The following CPXM2 variants were observed in gnomAD, a reference collection of about 807,000 sequenced individuals.
CPXM2 encodes the protein carboxypeptidase X, M14 family member 2.
A neutral mutation model predicts 86.1 loss-of-function variants in CPXM2; 66 were observed. The ratio of observed to expected loss-of-function variants is 0.77; its 90% CI spans 0.63 to 0.94. The LOEUF is 0.94. Ranked by LOEUF, CPXM2 falls within the 40% of genes least tolerant of loss-of-function variation. The pLI is 0.00. For synonymous variants in CPXM2, 388 were observed against 400.2 expected (o/e 0.97, Z 0.36); for missense variants, 948 against 1,026.3 (o/e 0.92, Z 1.04).
At chr10:123,862,287 C>T (rs568629511) in intron 3 of CPXM2, among the ~76,000 whole-genome samples, 4 of 152,338 alleles carry the variant, frequency 2.6e-5, no homozygotes, top group South Asian at 2.1e-4. Flanking sequence ...GGCTCTGCCC[C>T]GCCATGCCCC....
chr10:123,802,482 T>C (rs748584680), intron 4 of CPXM2, among the ~76,000 whole-genome samples: 3 of 152,252 alleles, frequency 2.0e-5, no homozygotes, highest in Non-Finnish European at 2.9e-5. Flanking sequence ...AATTATGCTT[T>C]ATTCATTCTC....
chr10:123,932,024 T>A (rs997275026), intron 2 of CPXM2, among the ~76,000 whole-genome samples: 3 of 152,168 alleles, frequency 2.0e-5, no homozygotes, highest in African/African-American at 7.2e-5. Context: ...TGGTTTTTTT[T>A]AAACAGGGTG....
intron 7 of CPXM2, 99 bp from the exon 8 acceptor site, chr10:123,771,138 G>A: frequency 8.9e-7 from 1 of 1,118,168 alleles, no homozygotes; most frequent in East Asian, 2.4e-5. Flanking sequence ...TTCCTCCACA[G>A]CCTCCCAAGC....
chr10:123,792,468 C>T (rs57257317), intron 6 of CPXM2, among the ~76,000 whole-genome samples: 7,406 of 152,258 alleles, frequency 0.049, 217 homozygotes, highest in South Asian at 0.092. Flanking sequence ...GGAAGAAGGT[C>T]TCTATCAGAA....
upstream of CPXM2, among the ~76,000 whole-genome samples, chr10:123,894,691 C>T (rs1371881024): frequency 6.6e-6 from 1 of 152,224 alleles, no homozygotes; most frequent in Non-Finnish European, 1.5e-5. Context: ...TTCAGCTTCT[C>T]AGATGAAGAC....
At chr10:123,766,665 T>C (rs1225253336) in intron 10 of CPXM2, among the ~76,000 whole-genome samples, 3 of 152,194 alleles carry the variant, frequency 2.0e-5, no homozygotes, top group African/African-American at 4.8e-5. Flanking sequence ...TTCTTAGTAA[T>C]ATAACCGACA....
chr10:123,870,670 C>T (rs559530372), intron 2 of CPXM2, among the ~76,000 whole-genome samples: 1 of 152,296 alleles, frequency 6.6e-6, no homozygotes, highest in East Asian at 1.9e-4. Flanking sequence ...CAATCTCAGC[C>T]TTACCTAGTC....
At chr10:123,845,051 A>G (rs1848469900) in intron 3 of CPXM2, among the ~76,000 whole-genome samples, 1 of 149,984 alleles carries the variant, frequency 6.7e-6, no homozygotes, top group East Asian at 1.9e-4. Flanking sequence ...TGGGTGACAG[A>G]GCAAGACTCA....
intron 3 of CPXM2, among the ~76,000 whole-genome samples, chr10:123,853,646 T>C (rs902196822): frequency 6.6e-6 from 1 of 152,220 alleles, no homozygotes; most frequent in Non-Finnish European, 1.5e-5. Flanking sequence ...GGCTCATGCC[T>C]GTAATCCCAA....
rs1445095861 is a variant in CPXM2, at chr10:123,885,942, G to A, written c.304+5414C>T. ...AGCATGCAGTCCAGCTTTCGCAAAC[G>A]TGGGTGTGTCCTCCTTTATTATCCA... On this transcript the variant is annotated intron_variant, in intron 1 of 13. Coordinates refer to ENST00000241305, the MANE Select transcript of CPXM2 (RefSeq NM_198148.3). The surrounding 1 kb of genome is among the most constrained non-coding windows in gnomAD (Gnocchi z 4.0). Among the ~76,000 whole-genome samples, 1 of 152,224 alleles carries A rather than the reference G, an allele frequency of 6.6e-6. No individual in the cohort carries two copies. Among genetic ancestry groups the A allele is most frequent in the African/African-American group, 2.4e-5 (1 of 41,462 alleles).
chr10:123,843,197 C>T, intron 3 of CPXM2: 1 of 421,176 alleles, frequency 2.4e-6, no homozygotes, highest in Non-Finnish European at 4.7e-6. Context: ...AATGACCCTC[C>T]CTCCTCGGCC....
Position 123,891,225 on chromosome 10 carries a change from C to G in CPXM2, c.304+131G>C. 1 of 752,066 alleles carries G rather than the reference C, an allele frequency of 1.3e-6. No individual in the cohort carries two copies. Among genetic ancestry groups the G allele is most frequent in the East Asian group, 3.0e-5 (1 of 32,846 alleles). 46.6% of individuals were successfully genotyped at this position (752,066 alleles called of 1,614,324 possible). ...AGCGCAGATACAGTCCCTAGGGAGG[C>G]AGAGGCGGCAACAGGGAGATTCCCG... On this transcript the variant is annotated intron_variant, in intron 1 of 13. Coordinates refer to ENST00000241305, the MANE Select transcript of CPXM2 (RefSeq NM_198148.3). This position sits in a 1 kb window ranked among gnomAD's most constrained non-coding sequence, Gnocchi z 5.6.
At chr10:123,841,246 G>A (rs966614105) in intron 4 of CPXM2, among the ~76,000 whole-genome samples, 1 of 152,138 alleles carries the variant, frequency 6.6e-6, no homozygotes, top group African/African-American at 2.4e-5. Context: ...CACATGGCTG[G>A]AGCCACACAA....
chr10:123,785,634 CTTTTT>C (rs34924886), intron 6 of CPXM2, among the ~76,000 whole-genome samples: 1 of 136,750 alleles, frequency 7.3e-6, no homozygotes, highest in Admixed American at 7.4e-5. Context: ...ACTTTAGCTT[CTTTTT>C]TTTTTTTTTT....
intron 11 of CPXM2, among the ~76,000 whole-genome samples, chr10:123,757,997 C>A (rs1197232598): frequency 1.3e-5 from 2 of 152,160 alleles, no homozygotes; most frequent in African/African-American, 2.4e-5. Context: ...GGGCCAGAGT[C>A]AGGGTTTGGG....
chr10:123,892,719 G>T (rs927678358), upstream of CPXM2, among the ~76,000 whole-genome samples: 28 of 152,198 alleles, frequency 1.8e-4, no homozygotes, highest in African/African-American at 6.3e-4. Context: ...TCTTAGGGGA[G>T]CCTCTGGCGA....
chr10:123,869,787 C>T (rs780681584), intron 2 of CPXM2, among the ~76,000 whole-genome samples: 4 of 152,228 alleles, frequency 2.6e-5, no homozygotes, highest in Non-Finnish European at 4.4e-5. Context: ...TCATCATCAT[C>T]ATCATCATCA....
chr10:123,877,959 G>A (rs565352596), intron 2 of CPXM2, among the ~76,000 whole-genome samples: 3 of 152,168 alleles, frequency 2.0e-5, no homozygotes, highest in Admixed American at 6.5e-5. Context: ...CCCCCGCCTT[G>A]CAAATGAAGT....
Position 123,919,560 on chromosome 10 carries a change from C to G in CPXM2, n.174+19917G>C, listed in dbSNP as rs149452456. Reference sequence around the variant, plus strand: ...ACAAGCTCTCAGTAAAGAAATAGAACCAGTAGGAAAGAACCAAGTGGAAAG... The same window carrying G: ...ACAAGCTCTCAGTAAAGAAATAGAAGCAGTAGGAAAGAACCAAGTGGAAAG... On this transcript the variant is annotated intron_variant and non_coding_transcript_variant, in intron 2 of 19. Coordinates refer to the CPXM2 transcript ENST00000368854. Among the ~76,000 whole-genome samples, 406 of 152,168 alleles carry G rather than the reference C, an allele frequency of 2.7e-3. 1 individual carries two copies. The highest frequency in any genetic ancestry group is 9.4e-3 in the African/African-American group (390 of 41,506).
Sources: allele counts gnomAD v4.1 joint callset (sites outside exome capture counted in the v4.1 genomes callset), GRCh38; gene constraint gnomAD v4.1.1; non-coding constraint Gnocchi (gnomAD v3.1); transcripts MANE v1.5; gene names NCBI Gene and HGNC (gene_info 2026-07-23, HGNC 2026-07-21).